MLKL: variants seen among roughly 807,000 people sequenced by gnomAD.
MLKL encodes mixed lineage kinase domain-like protein.
Under a neutral mutation model 56.5 loss-of-function variants are expected in MLKL, and 55 were observed. That is an observed-to-expected ratio of 0.97 (90% CI 0.78 to 1.22). The LOEUF is 1.22. Ranked by LOEUF, MLKL falls within the 50% of genes most tolerant of loss-of-function variation. The pLI is 0.00. For missense variants in MLKL, 694 were observed against 573.9 expected, an observed-to-expected ratio of 1.21 and a Z score of -2.14; for synonymous variants, 251 against 208.3, an observed-to-expected ratio of 1.20 and a Z score of -1.76.
intron 2 of MLKL, among the ~76,000 whole-genome samples, chr16:74,693,673 G>T (rs1187535722): frequency 6.7e-6 from 1 of 148,234 alleles, no homozygotes; most frequent in Non-Finnish European, 1.5e-5. Context: ...AGCGATCTCA[G>T]CTCACTGCAG....
rs1202678835 is a variant in MLKL, at chr16:74,695,469, G to A, written c.289C>T (p.Leu97Phe). 3.1e-6 allele frequency: 5 copies of A among 1,614,186 alleles called. No homozygotes were observed. Among genetic ancestry groups the A allele is most frequent in the Non-Finnish European group, 4.2e-6 (5 of 1,180,042 alleles). Reference sequence around the variant, plus strand: ...AGCTTCCTGTTCACGTCCTTGAAGAGTATTTTGTCCTGGCTTGCTGTTAGA... The same window carrying A: ...AGCTTCCTGTTCACGTCCTTGAAGAATATTTTGTCCTGGCTTGCTGTTAGA... The part of the protein sequence containing the change: ...RFLTASQDKI[L>F]FKDVNRKLSD... Residue 97 changes from leucine to phenylalanine, a missense_variant, in exon 2 of 11, where the codon CTC becomes TTC. Leu to Phe is a conservative substitution (Grantham distance 22). Transcript: ENST00000308807.
chr16:74,680,707 G>C (rs1162738525), intron 6 of MLKL, among the ~76,000 whole-genome samples: 3 of 152,064 alleles, frequency 2.0e-5, no homozygotes, highest in Non-Finnish European at 2.9e-5. Context: ...AGGTTTCACC[G>C]TGTTGGGCAG....
chr16:74,681,688 G>A (rs915014296), intron 6 of MLKL, among the ~76,000 whole-genome samples: 9 of 151,918 alleles, frequency 5.9e-5, no homozygotes, highest in Non-Finnish European at 4.4e-5. Flanking sequence ...CAGCTACTCG[G>A]GAGGCTAAGG....
chr16:74,695,167 C>T lies in MLKL; in HGVS notation c.460+131G>A, dbSNP rs936017736. ...GATTACAGGCGAGAGCCATCGCGCCCAGCTAGGAGTTTTGAGGTACAAGTA... is the reference window on the plus strand; with the variant it reads ...GATTACAGGCGAGAGCCATCGCGCCTAGCTAGGAGTTTTGAGGTACAAGTA... On this transcript the variant is annotated intron_variant, in intron 2 of 10. Coordinates refer to ENST00000308807, the MANE Select transcript of MLKL (RefSeq NM_152649.4). 16 of 993,740 alleles carry T rather than the reference C, an allele frequency of 1.6e-5. No homozygotes were observed. In the African/African-American group the frequency reaches 2.3e-4, roughly 14 times the overall value. The allele number at this position is 993,740 out of a possible 1,614,324, so 61.6% of individuals were successfully genotyped here.
At chr16:74,686,015 A>C (rs568338336) in intron 4 of MLKL, among the ~76,000 whole-genome samples, 2 of 149,316 alleles carry the variant, frequency 1.3e-5, no homozygotes, top group Admixed American at 1.3e-4. Context: ...GCTGGAGTGC[A>C]GTGGTGCGAT....
At chr16:74,692,923 A>G (rs1313589303) in intron 2 of MLKL, among the ~76,000 whole-genome samples, 1 of 152,232 alleles carries the variant, frequency 6.6e-6, no homozygotes. Context: ...TTTATAACAC[A>G]CTATTTACAG....
chr16:74,677,777 C>G (rs2144461183), intron 7 of MLKL: 1 of 152,364 alleles, frequency 6.6e-6, no homozygotes, highest in East Asian at 1.9e-4. Flanking sequence ...CTCCCGGGTT[C>G]AAGTGATTCT....
In MLKL at chr16:74,697,000, T is replaced by C. The variant is rs1567622288; in HGVS notation, c.-2-1241A>G. Among the ~76,000 whole-genome samples, 4 of 146,550 alleles carry C rather than the reference T, an allele frequency of 2.7e-5. No homozygotes were observed. The South Asian group carries it at 8.4e-4, about 31-fold the overall frequency. ...GTAATATTACATATATAGTAATACA[T>C]ATATATAATATTACATATATATAGT... On this transcript the variant is annotated intron_variant, in intron 1 of 10. Coordinates refer to ENST00000308807, the MANE Select transcript of MLKL (RefSeq NM_152649.4).
At chr16:74,674,820 G>A (rs1489114257) in intron 10 of MLKL, 140 bp downstream of exon 10, 5 of 1,039,592 alleles carry the variant, frequency 4.8e-6, no homozygotes, top group Admixed American at 5.3e-5. Flanking sequence ...AAACAACAAT[G>A]TTTCAGACAT....
chr16:74,695,162 G>A, intron 2 of MLKL, 136 bp downstream of exon 2: 3 of 922,078 alleles, frequency 3.3e-6, no homozygotes, highest in East Asian at 2.6e-5. Flanking sequence ...GAGAGCCATC[G>A]CGCCCAGCTA....
intron 4 of MLKL, among the ~76,000 whole-genome samples, chr16:74,686,041 C>G (rs1457982045): frequency 6.6e-6 from 1 of 151,550 alleles, no homozygotes; most frequent in Non-Finnish European, 1.5e-5. Context: ...CTCACTGCAG[C>G]CTCCACCTCC....
intron 1 of MLKL, among the ~76,000 whole-genome samples, chr16:74,696,874 C>T (rs1406566487): frequency 6.7e-6 from 1 of 148,936 alleles, no homozygotes; most frequent in Admixed American, 6.8e-5. Flanking sequence ...AGGAGAATTG[C>T]TTGAACCCAG....
intron 3 of MLKL, among the ~76,000 whole-genome samples, chr16:74,691,842 T>A (rs1187932093): frequency 6.6e-6 from 1 of 152,152 alleles, no homozygotes; most frequent in Admixed American, 6.5e-5. Context: ...GATCTAGTAG[T>A]TAGGGACATA....
chr16:74,678,426 G>C (rs1208538317), intron 7 of MLKL: 7 of 171,672 alleles, frequency 4.1e-5, no homozygotes, highest in African/African-American at 1.4e-4. Flanking sequence ...ACTGTTGTGT[G>C]GTGGGCACAC....
intron 10 of MLKL, 26 bp from the exon 11 acceptor site, chr16:74,672,564 G>C (rs773034051): frequency 1.2e-6 from 2 of 1,612,134 alleles, no homozygotes; most frequent in South Asian, 1.1e-5. Flanking sequence ...CAGAAAATTA[G>C]ACCAGGGTAG....
intron 4 of MLKL, 121 bp downstream of exon 4, chr16:74,691,156 A>C: frequency 1.2e-6 from 1 of 834,022 alleles, no homozygotes; most frequent in East Asian, 2.6e-5. Flanking sequence ...AGTGGAGAGC[A>C]CATAATTTAA....
At chr16:74,690,522 G>A (rs751353107) in intron 4 of MLKL, among the ~76,000 whole-genome samples, 30 of 152,144 alleles carry the variant, frequency 2.0e-4, no homozygotes, top group South Asian at 2.1e-4. Flanking sequence ...TATGGCTCAC[G>A]CCTGTTATCC....
chr16:74,676,334 GA>G, intron 7 of MLKL: 1 of 985,878 alleles, frequency 1.0e-6, no homozygotes, highest in Non-Finnish European at 1.2e-6. Flanking sequence ...GCACAATCAT[GA>G]CAGCATATGT....
chr16:74,685,647 T>C, intron 4 of MLKL, 64 bp from the exon 5 acceptor site: 2 of 1,325,582 alleles, frequency 1.5e-6, no homozygotes, highest in East Asian at 2.3e-5. Flanking sequence ...GAACATTCAG[T>C]GTGGTGACCC....
Sources: gnomAD v4.1 joint callset for allele counts (sites outside exome capture counted in the v4.1 genomes callset) on GRCh38, gnomAD v4.1.1 for gene constraint, MANE v1.5 for transcripts, NCBI Gene and HGNC (gene_info 2026-07-23, HGNC 2026-07-21) for gene names.